The following FARS2 variants were observed in gnomAD, a reference collection of about 807,000 sequenced individuals.
FARS2 encodes the protein phenylalanyl-tRNA synthetase 2, mitochondrial, also known as phenylalanine--tRNA ligase, mitochondrial.
Under a neutral mutation model 46.4 loss-of-function variants are expected in FARS2, and 40 were observed. The ratio of observed to expected loss-of-function variants is 0.86; its 90% CI spans 0.67 to 1.12. The LOEUF is 1.12. Among genes scored for constraint, FARS2 ranks in the 50% most tolerant of loss-of-function variants. The pLI, the probability that FARS2 is intolerant of heterozygous loss-of-function variation, is 0.00. For synonymous variants in FARS2, 234 were observed against 214.9 expected (o/e 1.09, Z -0.78); for missense variants, 513 against 567.9 (o/e 0.90, Z 0.98).
At chr6:5,574,678 G>C (rs912940868) in intron 5 of FARS2, among the ~76,000 whole-genome samples, 35 of 152,096 alleles carry the variant, frequency 2.3e-4, no homozygotes, top group African/African-American at 8.0e-4. Flanking sequence ...GTTCCTAGAG[G>C]AAATGCAGGA....
intron 1 of FARS2, among the ~76,000 whole-genome samples, chr6:5,294,516 G>A (rs947029565): frequency 6.6e-6 from 1 of 152,172 alleles, no homozygotes; most frequent in African/African-American, 2.4e-5. Context: ...CCCAGAGATA[G>A]TGTCAGATCC....
intron 4 of FARS2, among the ~76,000 whole-genome samples, chr6:5,444,259 G>A (rs962772957): frequency 6.6e-6 from 1 of 152,030 alleles, no homozygotes; most frequent in South Asian, 2.1e-4. Context: ...ACAAGGTCAG[G>A]AGTTCGCGAC....
chr6:5,396,724 G>C (rs913732032), intron 2 of FARS2, among the ~76,000 whole-genome samples: 1 of 152,230 alleles, frequency 6.6e-6, no homozygotes, highest in African/African-American at 2.4e-5. Flanking sequence ...GAAGCGTGTG[G>C]AGGTGCTACA....
chr6:5,486,769 C>A (rs11756193), intron 4 of FARS2, among the ~76,000 whole-genome samples: 2,098 of 152,298 alleles, frequency 0.014, 25 homozygotes, highest in Non-Finnish European at 0.024. Context: ...ACGTTTCCAT[C>A]ATGGGAATGC....
intron 5 of FARS2, among the ~76,000 whole-genome samples, chr6:5,581,768 C>T (rs1285659062): frequency 6.6e-6 from 1 of 152,164 alleles, no homozygotes; most frequent in African/African-American, 2.4e-5. Context: ...TCCTGATGCG[C>T]TTTTCTAAAT....
chr6:5,384,479 G>A (rs1194888541), intron 2 of FARS2, among the ~76,000 whole-genome samples: 1 of 152,186 alleles, frequency 6.6e-6, no homozygotes, highest in Non-Finnish European at 1.5e-5. Context: ...GGAATCCCAT[G>A]GGATGGAATC....
At chr6:5,251,798 T>C in the FARS2 span, among the ~76,000 whole-genome samples, 2 of 152,164 alleles carry the variant, frequency 1.3e-5, no homozygotes, top group Non-Finnish European at 2.9e-5. Context: ...AGGCAGTCAC[T>C]GTTAAAAGAT....
intron 1 of FARS2, among the ~76,000 whole-genome samples, chr6:5,295,097 G>C (rs1253950425): frequency 6.6e-6 from 1 of 152,152 alleles, no homozygotes; most frequent in African/African-American, 2.4e-5. Context: ...ACCACAGATC[G>C]GGGGTGTGTC....
intron 4 of FARS2, among the ~76,000 whole-genome samples, chr6:5,446,608 A>C (rs1282077770): frequency 6.6e-6 from 1 of 152,188 alleles, no homozygotes; most frequent in Non-Finnish European, 1.5e-5. Context: ...GAAGGAGGAA[A>C]TAGTTCCCTG....
At chr6:5,656,146 A>G (rs1777597522) in intron 6 of FARS2, among the ~76,000 whole-genome samples, 1 of 152,214 alleles carries the variant, frequency 6.6e-6, no homozygotes, top group African/African-American at 2.4e-5. Context: ...GAAGACAAGG[A>G]AGAGGACGGT....
intron 3 of FARS2, among the ~76,000 whole-genome samples, chr6:5,410,147 GTGTTTTTT>G (rs893724997): frequency 4.0e-5 from 5 of 124,584 alleles, no homozygotes; most frequent in Admixed American, 2.7e-4. Context: ...GTTCGTTTTT[GTGTTTTTT>G]TGTTTTTTTT....
Position 5,751,854 on chromosome 6 carries a change from A to C in FARS2, c.1218-19437A>C, listed in dbSNP as rs573035125. ...ATTTTTCCACTTCAGTTTGTGCCTG[A>C]GTGCCCTATTAAACATTTCTTTTTA... On this transcript the variant is annotated intron_variant, in intron 6 of 6. Coordinates refer to ENST00000274680, the MANE Select transcript of FARS2 (RefSeq NM_006567.5). Among the ~76,000 whole-genome samples, 74 of 152,346 alleles carry C rather than the reference A, an allele frequency of 4.9e-4. No individual in the cohort carries two copies. In the South Asian group the frequency reaches 7.9e-3, roughly 16 times the overall value.
At chr6:5,489,111 A>C (rs405937) in intron 4 of FARS2, among the ~76,000 whole-genome samples, 6,593 of 152,182 alleles carry the variant, frequency 0.043, 270 homozygotes, top group African/African-American at 0.11. Context: ...GGGAAGGAGA[A>C]TAGGAAATTC....
chr6:5,678,698 A>C (rs527251928), intron 6 of FARS2, among the ~76,000 whole-genome samples: 1 of 152,312 alleles, frequency 6.6e-6, no homozygotes, highest in South Asian at 2.1e-4. Flanking sequence ...CATCCTTCAG[A>C]AGGGCCAAAG....
rs1338472257 is a variant in FARS2, at chr6:5,597,686, T to A, written c.1066-15483T>A. Among the ~76,000 whole-genome samples, 7 of 152,264 alleles carry A rather than the reference T, an allele frequency of 4.6e-5. No homozygotes were observed. The East Asian group carries it at 1.4e-3, about 29-fold the overall frequency. On this transcript the variant is annotated intron_variant, in intron 5 of 6. Transcript: ENST00000274680. Reference sequence around the variant, plus strand: ...GCCCAAAAGAAAATAACATTTCACATTTCTCCCTAACGTGGAGAAATTGAA... The same window carrying A: ...GCCCAAAAGAAAATAACATTTCACAATTCTCCCTAACGTGGAGAAATTGAA...
chr6:5,669,000 T>C (rs1173597582), intron 6 of FARS2, among the ~76,000 whole-genome samples: 12 of 152,296 alleles, frequency 7.9e-5, no homozygotes, highest in African/African-American at 2.4e-4. Flanking sequence ...CCAGCCCACG[T>C]TGAGCAAGTT....
At chr6:5,769,756 C>G (rs751483192) in intron 6 of FARS2, among the ~76,000 whole-genome samples, 9 of 152,224 alleles carry the variant, frequency 5.9e-5, no homozygotes, top group Non-Finnish European at 1.3e-4. Context: ...AACTTCCACC[C>G]CCAGCCCAGC....
intron 6 of FARS2, among the ~76,000 whole-genome samples, chr6:5,647,696 G>T (rs1777146706): frequency 6.6e-6 from 1 of 152,300 alleles, no homozygotes; most frequent in Non-Finnish European, 1.5e-5. Context: ...AGCAAAACAG[G>T]TTCAAAATAA....
intron 1 of FARS2, among the ~76,000 whole-genome samples, chr6:5,333,707 A>C (rs942113889): frequency 6.6e-6 from 1 of 152,156 alleles, no homozygotes; most frequent in Non-Finnish European, 1.5e-5. Flanking sequence ...TACTCCGGCC[A>C]CTGTTTTGAT....
Sources: allele counts gnomAD v4.1 joint callset (sites outside exome capture counted in the v4.1 genomes callset), GRCh38; gene constraint gnomAD v4.1.1; transcripts MANE v1.5; gene names NCBI Gene and HGNC (gene_info 2026-07-23, HGNC 2026-07-21).